The following TMCC2 variants were observed in gnomAD, a reference collection of about 807,000 sequenced individuals.
The protein encoded by TMCC2 is transmembrane and coiled-coil domain family 2.
Under a neutral mutation model 49.4 loss-of-function variants are expected in TMCC2, and 16 were observed. The ratio of observed to expected loss-of-function variants is 0.32; its 90% CI spans 0.22 to 0.49. The LOEUF (loss-of-function observed/expected upper bound fraction) is 0.49. Among genes scored for constraint, TMCC2 ranks in the 20% least tolerant of loss-of-function variants. TMCC2 has a pLI of 0.99. For missense variants in TMCC2, 762 were observed against 989.8 expected, an observed-to-expected ratio of 0.77 and a Z score of 3.09; for synonymous variants, 397 against 434.1, an observed-to-expected ratio of 0.91 and a Z score of 1.06.
chr1:205,259,600 C>T (rs766468357), intron 2 of TMCC2, among the ~76,000 whole-genome samples: 24 of 152,184 alleles, frequency 1.6e-4, no homozygotes, highest in African/African-American at 5.6e-4. Context: ...TCCCGGATAT[C>T]GGGGATCCAG....
Position 205,272,053 on chromosome 1 carries a change from G to A in TMCC2, c.2059G>A (p.Val687Ile), listed in dbSNP as rs1457951780. 4.3e-6 allele frequency: 7 copies of A among 1,613,988 alleles called. No homozygotes were observed. The highest frequency in any genetic ancestry group is 1.6e-4 in the Middle Eastern group (1 of 6,084). Residue 687 changes from valine (V) to isoleucine (I), a missense_variant, in exon 5 of 5, where the codon GTC (valine) becomes ATC (isoleucine). Val to Ile is a conservative substitution (Grantham distance 29). Transcript: ENST00000358024. ...CACCAGCACCACCCTCCTGGTCCTC[G>A]TCCTGTTCCTCCTCTGGAAGCACTG... ...RITSTTLLVL[V>I]LFLLWKHWDS...
intron 1 of TMCC2, among the ~76,000 whole-genome samples, chr1:205,231,592 C>T (rs12126439): frequency 0.27 from 40,672 of 152,168 alleles, 7,174 homozygotes; most frequent in Non-Finnish European, 0.39. Context: ...CCACCGTGCC[C>T]AGCCCCTCCA....
rs1355040266 is a variant in TMCC2, at chr1:205,269,750, G to A, written c.1548G>A (p.Leu516=). The change falls in exon 3 of 5, where the codon CTG becomes CTA. Residue 516 remains leucine, a synonymous_variant. Coordinates refer to ENST00000358024, the MANE Select transcript of TMCC2 (RefSeq NM_014858.4). ...SNALYGAPGN[L]DALLEELREI... is the part of the protein sequence containing the mutation. ...CACTGTATGGTGCTCCTGGAAACCTGGATGCTCTGCTGGAAGAGCTACGGG... is the reference window on the plus strand; with the variant it reads ...CACTGTATGGTGCTCCTGGAAACCTAGATGCTCTGCTGGAAGAGCTACGGG... 6.2e-7 allele frequency: 1 copy of A among 1,614,094 alleles called. No individual in the cohort carries two copies. The highest frequency in any genetic ancestry group is 2.2e-5 in the East Asian group (1 of 44,892).
intron 2 of TMCC2, among the ~76,000 whole-genome samples, chr1:205,254,607 CCTGTTTTCCTGCTG>C (rs1211989305): frequency 6.6e-5 from 10 of 152,338 alleles, no homozygotes; most frequent in African/African-American, 2.2e-4. Flanking sequence ...CTCCTGAACC[CCTGTTTTCCTGCTG>C]TTCAGTTATT....
At chr1:205,252,516 A>T (rs1346265154) in intron 2 of TMCC2, among the ~76,000 whole-genome samples, 3 of 152,158 alleles carry the variant, frequency 2.0e-5, no homozygotes, top group Non-Finnish European at 4.4e-5. Flanking sequence ...TTCTAAGAAG[A>T]TGCACCTTCT....
In TMCC2 at chr1:205,241,984, G is replaced by GCTGGCCGACGGCAGCAACGTGTACCTC; in HGVS notation, c.693_719dup (p.Asp232_Ala240dup). On this transcript the variant is annotated inframe_insertion, in exon 2 of 5. Coordinates refer to ENST00000358024, the MANE Select transcript of TMCC2 (RefSeq NM_014858.4). This position sits in a 1 kb window ranked among gnomAD's most constrained non-coding sequence, Gnocchi z 7.3. ...CCTCCACCACCGACACTGCTCTGCT[G>GCTGGCCGACGGCAGCAACGTGTACCTC]CTGGCCGACGGCAGCAACGTGTACC... 1 of 1,610,138 alleles carries GCTGGCCGACGGCAGCAACGTGTACCTC rather than the reference G, an allele frequency of 6.2e-7. No individual in the cohort carries two copies. The highest frequency in any genetic ancestry group is 8.5e-7 in the Non-Finnish European group (1 of 1,179,192).
In TMCC2 at chr1:205,241,196, A is replaced by C. The variant is rs183315360; in HGVS notation, c.208-309A>C. Among the ~76,000 whole-genome samples, 1 of 152,170 alleles carries C rather than the reference A, an allele frequency of 6.6e-6. No homozygotes were observed. The highest frequency in any genetic ancestry group is 2.4e-5 in the African/African-American group (1 of 41,440). On this transcript the variant is annotated intron_variant, in intron 1 of 4. Transcript: ENST00000358024. The surrounding 1 kb of genome is among the most constrained non-coding windows in gnomAD (Gnocchi z 7.3). ...GAGCCAAGTGCTACCTGTGTATGCCATTAAGCCCCAGACTGAAGCCCTGAG... is the reference window on the plus strand; with the variant it reads ...GAGCCAAGTGCTACCTGTGTATGCCCTTAAGCCCCAGACTGAAGCCCTGAG...
At chr1:205,257,172 C>T in intron 2 of TMCC2, 1 of 1,232,536 alleles carries the variant, frequency 8.1e-7, no homozygotes. Flanking sequence ...GAGCAATCCG[C>T]CCCTAATCCC....
chr1:205,267,931 C>T, intron 2 of TMCC2: 1 of 984,924 alleles, frequency 1.0e-6, no homozygotes, highest in African/African-American at 1.7e-5. Context: ...GGCTTTAGTC[C>T]TCGGGGACCT....
chr1:205,229,230 C>G (rs960245751), intron 1 of TMCC2: 8 of 816,596 alleles, frequency 9.8e-6, no homozygotes, highest in Middle Eastern at 6.2e-4. Flanking sequence ...GTTCTGTCGC[C>G]CAGGCTGGAG....
chr1:205,271,665 C>T (rs1661598610), intron 4 of TMCC2, 148 bp from the exon 5 acceptor site: 1 of 994,156 alleles, frequency 1.0e-6, no homozygotes, highest in Non-Finnish European at 1.4e-6. Flanking sequence ...GGTCTCTGAC[C>T]CCAGTTGCAG....
chr1:205,228,856 G>C (rs1466230641), intron 1 of TMCC2, 85 bp downstream of exon 1: 13 of 1,480,360 alleles, frequency 8.8e-6, no homozygotes, highest in Non-Finnish European at 3.6e-6. Flanking sequence ...CAGGATAAAA[G>C]TGAGGGGGGA....
intron 1 of TMCC2, among the ~76,000 whole-genome samples, chr1:205,232,702 A>G (rs1197132780): frequency 6.6e-6 from 1 of 152,068 alleles, no homozygotes; most frequent in Non-Finnish European, 1.5e-5. Context: ...TGGTAGGCCG[A>G]GGTTGGTGGA....
intron 2 of TMCC2, among the ~76,000 whole-genome samples, chr1:205,261,873 C>G (rs1661131316): frequency 6.6e-6 from 1 of 152,144 alleles, no homozygotes; most frequent in Non-Finnish European, 1.5e-5. Context: ...CTTTCCTTTA[C>G]CTTCCGCAGA....
intron 1 of TMCC2, among the ~76,000 whole-genome samples, chr1:205,233,117 A>G (rs1373268026): frequency 4.6e-5 from 7 of 151,928 alleles, no homozygotes; most frequent in Non-Finnish European, 1.5e-5. Context: ...ACGGGAGGAA[A>G]TTACCAACCT....
Position 205,258,900 on chromosome 1 carries a change from C to T in TMCC2, c.748-10050C>T, listed in dbSNP as rs572724803. 2.0e-5 allele frequency among the ~76,000 whole-genome samples: 3 copies of T among 152,346 alleles called. No individual in the cohort carries two copies. In the South Asian group the frequency reaches 6.2e-4, roughly 32 times the overall value. Reference sequence around the variant, plus strand: ...GGTAGAAAAAGGGAATCTGAGCGTTCTTTATCCCGAGAGGGCCACTGAAAT... The same window carrying T: ...GGTAGAAAAAGGGAATCTGAGCGTTTTTTATCCCGAGAGGGCCACTGAAAT... On this transcript the variant is annotated intron_variant, in intron 2 of 4. Transcript: ENST00000358024.
At chr1:205,231,005 C>T (rs999741076) in intron 1 of TMCC2, among the ~76,000 whole-genome samples, 3 of 131,130 alleles carry the variant, frequency 2.3e-5, no homozygotes, top group African/African-American at 5.5e-5. Context: ...CATCCCCCCC[C>T]CCGCCCCCAG....
At chr1:205,268,120 T>C (rs1661422456) in intron 2 of TMCC2, 2 of 976,120 alleles carry the variant, frequency 2.0e-6, no homozygotes, top group South Asian at 9.5e-5. Flanking sequence ...GCTGCGTTGT[T>C]AGTGAACATG....
chr1:205,269,984 A>T, intron 3 of TMCC2, 100 bp downstream of exon 3: 1 of 1,181,564 alleles, frequency 8.5e-7, no homozygotes, highest in South Asian at 1.4e-5. Flanking sequence ...TCAGAGGAGC[A>T]TCCTCAGCCT....
Sources: allele counts gnomAD v4.1 joint callset (sites outside exome capture counted in the v4.1 genomes callset), GRCh38; gene constraint gnomAD v4.1.1; non-coding constraint Gnocchi (gnomAD v3.1); transcripts MANE v1.5; gene names NCBI Gene and HGNC (gene_info 2026-07-23, HGNC 2026-07-21).